The following GRIP1 variants were observed in gnomAD, a reference collection of about 807,000 sequenced individuals.
GRIP1 encodes glutamate receptor interacting protein 1.
A neutral mutation model predicts 129.9 loss-of-function variants in GRIP1; 45 were observed. That is an observed-to-expected ratio of 0.35 (90% CI 0.27 to 0.44). GRIP1 has a LOEUF of 0.44. GRIP1 is among the 20% of genes least tolerant of loss of function. GRIP1 has a pLI of 1.00. For synonymous variants in GRIP1, 530 were observed against 520.8 expected, an observed-to-expected ratio of 1.02 and a Z score of -0.24; for missense variants, 1,196 against 1,396.8, an observed-to-expected ratio of 0.86 and a Z score of 2.29.
chr12:66,963,372 C>T (rs1045176268), intron 1 of GRIP1, among the ~76,000 whole-genome samples: 1 of 151,946 alleles, frequency 6.6e-6, no homozygotes, highest in Non-Finnish European at 1.5e-5. Flanking sequence ...AATGAGTGAA[C>T]AATTATTGAA....
At chr12:66,654,754 C>A (rs532344939) in intron 1 of GRIP1, among the ~76,000 whole-genome samples, 47 of 152,072 alleles carry the variant, frequency 3.1e-4, no homozygotes, top group Admixed American at 1.4e-3. Flanking sequence ...AGGATGTCTG[C>A]GCCATTATGT....
chr12:66,888,600 T>C (rs1393707664), intron 1 of GRIP1, among the ~76,000 whole-genome samples: 1 of 152,134 alleles, frequency 6.6e-6, no homozygotes, highest in African/African-American at 2.4e-5. Flanking sequence ...TGACCTCAGA[T>C]GATTTGCCTG....
intron 1 of GRIP1, among the ~76,000 whole-genome samples, chr12:66,737,465 A>T (rs2036643323): frequency 6.6e-6 from 1 of 151,984 alleles, no homozygotes; most frequent in Non-Finnish European, 1.5e-5. Context: ...TGTATTTTTA[A>T]TAGAGAAGGA....
chr12:66,451,880 G>A (rs1157286683), intron 11 of GRIP1, among the ~76,000 whole-genome samples: 1 of 152,112 alleles, frequency 6.6e-6, no homozygotes, highest in Non-Finnish European at 1.5e-5. Context: ...TCCCTGAATG[G>A]TCACTTATAA....
chr12:66,764,712 T>C (rs1365321450), intron 1 of GRIP1, among the ~76,000 whole-genome samples: 33 of 152,208 alleles, frequency 2.2e-4, no homozygotes, highest in Non-Finnish European at 4.9e-4. Flanking sequence ...TCCCTTTTTC[T>C]TATATTTTTT....
intron 1 of GRIP1, among the ~76,000 whole-genome samples, chr12:66,719,008 A>T (rs2035978059): frequency 6.6e-6 from 1 of 152,128 alleles, no homozygotes; most frequent in Admixed American, 6.6e-5. Flanking sequence ...TATATCACCT[A>T]TTGCCCAACT....
chr12:66,931,643 C>A (rs555224744), intron 1 of GRIP1, among the ~76,000 whole-genome samples: 108 of 152,160 alleles, frequency 7.1e-4, no homozygotes, highest in African/African-American at 2.5e-3. Context: ...GTGAAAGCAA[C>A]CATTATGTAA....
chr12:66,925,144 G>A (rs2041276098), intron 1 of GRIP1, among the ~76,000 whole-genome samples: 1 of 152,090 alleles, frequency 6.6e-6, no homozygotes, highest in Non-Finnish European at 1.5e-5. Flanking sequence ...TAATTCCACA[G>A]GACTCTGCAG....
chr12:66,788,563 A>C (rs1196352713), intron 1 of GRIP1, among the ~76,000 whole-genome samples: 1 of 151,994 alleles, frequency 6.6e-6, no homozygotes, highest in Non-Finnish European at 1.5e-5. Context: ...TAAAAAAAAA[A>C]ACTGTGTTTT....
In GRIP1 at chr12:67,026,158, T is replaced by G. The variant is rs118025056; in HGVS notation, c.58+42892A>C. Among the ~76,000 whole-genome samples, 191 of 152,346 alleles carry G rather than the reference T, an allele frequency of 1.3e-3. 1 individual carries two copies. The East Asian group carries it at 0.025, about 20-fold the overall frequency. ...AAGATTATTTATTGAAAACCTTAGA[T>G]GCTCTCTGTCAACTATGCTCTTTGT... On this transcript the variant is annotated intron_variant, in intron 1 of 1. Coordinates refer to the GRIP1 transcript ENST00000643019.
chr12:66,877,450 G>T (rs1384875767), intron 1 of GRIP1, among the ~76,000 whole-genome samples: 2 of 151,962 alleles, frequency 1.3e-5, no homozygotes, highest in Non-Finnish European at 2.9e-5. Context: ...ATACAATAAA[G>T]AAATTCTGGA....
At chr12:66,725,485 T>C (rs2036224219) in intron 1 of GRIP1, among the ~76,000 whole-genome samples, 1 of 152,192 alleles carries the variant, frequency 6.6e-6, no homozygotes, top group Non-Finnish European at 1.5e-5. Flanking sequence ...TGTATACATA[T>C]ACATAAAATA....
chr12:66,906,270 G>C (rs1566073204), intron 1 of GRIP1, among the ~76,000 whole-genome samples: 1 of 151,438 alleles, frequency 6.6e-6, no homozygotes, highest in African/African-American at 2.4e-5. Context: ...CAAAAACAAA[G>C]AAACAAACAA....
chr12:66,629,954 G>C (rs1255408442), intron 1 of GRIP1, among the ~76,000 whole-genome samples: 2 of 152,082 alleles, frequency 1.3e-5, no homozygotes. Context: ...ACTCTATTAA[G>C]TATAGGCCAG....
intron 24 of GRIP1, among the ~76,000 whole-genome samples, chr12:66,352,363 T>C (rs2054270828): frequency 1.3e-5 from 2 of 152,222 alleles, no homozygotes; most frequent in South Asian, 4.1e-4. Flanking sequence ...CGCCACAAGC[T>C]CAGGGCACAG....
intron 1 of GRIP1, among the ~76,000 whole-genome samples, chr12:66,974,341 C>T (rs536283796): frequency 1.3e-5 from 2 of 152,256 alleles, no homozygotes; most frequent in South Asian, 2.1e-4. Context: ...CTCCTTAGTA[C>T]TTATACCCAT....
chr12:66,979,235 A>ACAAACG lies in GRIP1; in HGVS notation c.58+89814_58+89815insCGTTTG, dbSNP rs773646990. 9.6e-4 allele frequency among the ~76,000 whole-genome samples: 131 copies of ACAAACG among 136,352 alleles called. 1 individual carries two copies. Among genetic ancestry groups the ACAAACG allele is most frequent in the African/African-American group, 3.3e-3 (120 of 35,834 alleles). The allele number at this position is 136,352 out of a possible 152,430, so 89.5% of individuals were successfully genotyped here. On this transcript the variant is annotated intron_variant, in intron 1 of 1. Transcript: ENST00000643019. ...AACTTCTCTTCTTAAAAAAAAAAAA[A>ACAAACG]AAAAAAAAAAAAAAAAAAACAAGCC... is the stretch of plus-strand genomic sequence containing the variant.
rs552026813 is a variant in GRIP1 at position 66,930,589 on chromosome 12, C to G, written c.58+138461G>C. On this transcript the variant is annotated intron_variant, in intron 1 of 1. Transcript: ENST00000643019. ...CATACTTGTGCATGTGTCTTTATAG[C>G]GGAGACTCTCCCCTCACTAGTCAAT... 9.9e-5 allele frequency among the ~76,000 whole-genome samples: 15 copies of G among 152,190 alleles called. No homozygotes were observed. In the East Asian group the frequency reaches 2.7e-3, roughly 27 times the overall value.
At chr12:67,031,287 C>A (rs532932222) in intron 1 of GRIP1, among the ~76,000 whole-genome samples, 1 of 152,144 alleles carries the variant, frequency 6.6e-6, no homozygotes, top group Non-Finnish European at 1.5e-5. Flanking sequence ...CTTCTCAAAG[C>A]AAACTTCTCT....
Sources: gnomAD v4.1 joint callset for allele counts (sites outside exome capture counted in the v4.1 genomes callset) on GRCh38, gnomAD v4.1.1 for gene constraint, MANE v1.5 for transcripts, NCBI Gene and HGNC (gene_info 2026-07-23, HGNC 2026-07-21) for gene names.